Variants in PLCH1 observed in about 807,000 individuals in gnomAD.
PLCH1 encodes 1-phosphatidylinositol 4,5-bisphosphate phosphodiesterase eta-1.
PLCH1 carries 60 observed loss-of-function variants against 126.7 expected under a neutral mutation model. That is an observed-to-expected ratio of 0.47 (90% CI 0.38 to 0.59). The LOEUF (loss-of-function observed/expected upper bound fraction) is 0.59. PLCH1 is among the 20% of genes least tolerant of loss of function. The pLI, the probability that PLCH1 is intolerant of heterozygous loss-of-function variation, is 0.00. For missense variants in PLCH1, 1,723 were observed against 2,040.0 expected (o/e 0.84, Z 2.99); for synonymous variants, 719 against 734.9 (o/e 0.98, Z 0.35).
intron 10 of PLCH1, among the ~76,000 whole-genome samples, chr3:155,525,677 A>G (rs1721801335): frequency 6.6e-6 from 1 of 152,202 alleles, no homozygotes; most frequent in Admixed American, 6.5e-5. Flanking sequence ...ACTCCTGCCC[A>G]GCTTGAGCAC....
rs527635449 is a variant in PLCH1 at position 155,503,981 on chromosome 3, C to T, written c.1704+574G>A. 8.5e-5 allele frequency among the ~76,000 whole-genome samples: 13 copies of T among 152,354 alleles called. No individual in the cohort carries two copies. In the South Asian group the frequency reaches 2.7e-3, roughly 32 times the overall value. On this transcript the variant is annotated intron_variant, in intron 13 of 22. Transcript: ENST00000460012. The stretch of plus-strand genomic sequence containing the variant: ...TAAGTAGTGTTTGAGAATTCAACTG[C>T]TTCATCCTCACTAACATTTGGTTCT...
intron 1 of PLCH1, among the ~76,000 whole-genome samples, chr3:155,735,132 T>C (rs918971173): frequency 2.6e-5 from 4 of 152,130 alleles, no homozygotes; most frequent in Non-Finnish European, 5.9e-5. Flanking sequence ...AAATACCACA[T>C]GATCTCATAT....
chr3:155,741,278 G>C (rs958862577), intron 1 of PLCH1, among the ~76,000 whole-genome samples: 30 of 152,172 alleles, frequency 2.0e-4, no homozygotes, highest in Admixed American at 6.5e-5. Flanking sequence ...GCCCCTGCTA[G>C]TGAGAAGAGA....
Position 155,643,536 on chromosome 3 carries a change from G to A in PLCH1, c.80-47158C>T, listed in dbSNP as rs749179146. Among the ~76,000 whole-genome samples the A allele has an allele frequency of 1.2e-3, 185 of 152,328 alleles. 1 individual carries two copies. The highest frequency in any genetic ancestry group is 6.8e-4 in the Non-Finnish European group (46 of 68,028). ...TAGGGTAATTTGTTGTCAGAAATAG[G>A]TAATAAAATTGTCTGTGTGTCTGCT... On this transcript the variant is annotated intron_variant, in intron 2 of 22. Transcript: ENST00000460012.
chr3:155,542,932 T>C (rs559585911), intron 10 of PLCH1, among the ~76,000 whole-genome samples: 1 of 151,874 alleles, frequency 6.6e-6, no homozygotes, highest in East Asian at 1.9e-4. Context: ...ACCACAAAGA[T>C]GGGGAAAAAA....
chr3:155,731,438 T>G (rs1012825692), intron 1 of PLCH1, among the ~76,000 whole-genome samples: 5 of 152,054 alleles, frequency 3.3e-5, no homozygotes, highest in African/African-American at 1.2e-4. Context: ...CGCCAGTGGA[T>G]CCAAGCTCCT....
At chr3:155,563,154 T>C (rs1012125491) in intron 8 of PLCH1, among the ~76,000 whole-genome samples, 1 of 152,196 alleles carries the variant, frequency 6.6e-6, no homozygotes, top group Non-Finnish European at 1.5e-5. Context: ...AATCGTTGTA[T>C]TGCTGAAGTC....
chr3:155,596,085 T>C, intron 3 of PLCH1, 147 bp downstream of exon 3: 1 of 638,554 alleles, frequency 1.6e-6, no homozygotes, highest in Admixed American at 2.6e-5. Flanking sequence ...AGATGGTCAT[T>C]ATTCTGCCTC....
chr3:155,608,680 C>A (rs1045710025), intron 2 of PLCH1, among the ~76,000 whole-genome samples: 2 of 152,142 alleles, frequency 1.3e-5, no homozygotes, highest in Non-Finnish European at 2.9e-5. Flanking sequence ...CCATCCCACA[C>A]AGCAGCCTCA....
chr3:155,488,254 G>C, intron 20 of PLCH1, 147 bp from the exon 21 acceptor site: 1 of 612,840 alleles, frequency 1.6e-6, no homozygotes, highest in South Asian at 2.0e-5. Flanking sequence ...CTGGAATGCA[G>C]TGGCATGATC....
intron 2 of PLCH1, chr3:155,658,152 C>A (rs778898808): frequency 9.2e-6 from 2 of 216,752 alleles, no homozygotes; most frequent in Non-Finnish European, 1.0e-5. Flanking sequence ...AGCTGTTGAG[C>A]CACAGCAAAA....
At chr3:155,583,292 C>A (rs567645808) in intron 6 of PLCH1, among the ~76,000 whole-genome samples, 180 bp downstream of exon 6, 5 of 152,072 alleles carry the variant, frequency 3.3e-5, no homozygotes, top group African/African-American at 1.2e-4. Flanking sequence ...CAAGTTATCA[C>A]TTCCTGTCTT....
In PLCH1 at chr3:155,571,668, G is replaced by A. The variant is rs1729245219; in HGVS notation, c.772-3344C>T. Among the ~76,000 whole-genome samples, 4 of 152,134 alleles carry A rather than the reference G, an allele frequency of 2.6e-5. No homozygotes were observed. The South Asian group carries it at 8.3e-4, about 31-fold the overall frequency. On this transcript the variant is annotated intron_variant, in intron 6 of 22. Coordinates refer to ENST00000460012, the MANE Select transcript of PLCH1 (RefSeq NM_014996.4). Reference sequence around the variant, plus strand: ...CCCACCTCGGCCTCCCAAAGTACTGGGATTACAGGTGTGAGCCACCGCACC... The same window carrying A: ...CCCACCTCGGCCTCCCAAAGTACTGAGATTACAGGTGTGAGCCACCGCACC...
At chr3:155,701,183 G>T (rs1220533840) in intron 2 of PLCH1, among the ~76,000 whole-genome samples, 1 of 152,112 alleles carries the variant, frequency 6.6e-6, no homozygotes, top group African/African-American at 2.4e-5. Flanking sequence ...TAGATAAAAG[G>T]CCGGACATAA....
At chr3:155,534,103 A>G (rs1723040812) in intron 10 of PLCH1, among the ~76,000 whole-genome samples, 1 of 152,162 alleles carries the variant, frequency 6.6e-6, no homozygotes, top group South Asian at 2.1e-4. Flanking sequence ...AAAGAGGGCC[A>G]CCGTCCTCCA....
chr3:155,486,090 A>G, intron 21 of PLCH1: 1 of 1,083,966 alleles, frequency 9.2e-7, no homozygotes, highest in Non-Finnish European at 1.4e-6. Context: ...GCATGCTGCC[A>G]TAACCACTTA....
intron 21 of PLCH1, among the ~76,000 whole-genome samples, chr3:155,473,460 T>C (rs1186758820): frequency 6.6e-6 from 1 of 151,768 alleles, no homozygotes; most frequent in East Asian, 1.9e-4. Context: ...TCCATGCTCA[T>C]GGGTAGGAAG....
intron 7 of PLCH1, among the ~76,000 whole-genome samples, chr3:155,567,773 G>A (rs1183586582): frequency 6.6e-6 from 1 of 152,174 alleles, no homozygotes; most frequent in Non-Finnish European, 1.5e-5. Context: ...TGAAGTCATT[G>A]TATTAATGAG....
chr3:155,504,639 A>G lies in PLCH1; in HGVS notation c.1633-13T>C. 6.5e-7 allele frequency: 1 copy of G among 1,545,752 alleles called. No homozygotes were observed. On this transcript the variant is annotated splice_polypyrimidine_tract_variant and intron_variant, in intron 12 of 22. Transcript: ENST00000460012. ...TTACATCTGGACTCTGAATAAATAA[A>G]GGCATAATATAACTATTTATCTTCT...
Sources: allele counts gnomAD v4.1 joint callset (sites outside exome capture counted in the v4.1 genomes callset), GRCh38; gene constraint gnomAD v4.1.1; transcripts MANE v1.5; gene names NCBI Gene and HGNC (gene_info 2026-07-23, HGNC 2026-07-21).